Variants in NELL2 observed in about 807,000 individuals in gnomAD.
NELL2 encodes the protein neural EGFL like 2, also known as protein kinase C-binding protein NELL2.
In NELL2, 41 loss-of-function variants were observed where a neutral mutation model predicts 109.6. That is an observed-to-expected ratio of 0.37 (90% CI 0.29 to 0.49). NELL2 has a LOEUF of 0.49. Ranked by LOEUF, NELL2 falls within the 20% of genes least tolerant of loss-of-function variation. The pLI, the probability that NELL2 is intolerant of heterozygous loss-of-function variation, is 0.98. For missense variants in NELL2, 900 were observed against 1,008.3 expected (o/e 0.89, Z 1.45); for synonymous variants, 355 against 344.7 (o/e 1.03, Z -0.33).
At chr12:44,605,859 C>T (rs941394212) in intron 15 of NELL2, among the ~76,000 whole-genome samples, 2 of 152,068 alleles carry the variant, frequency 1.3e-5, no homozygotes, top group African/African-American at 2.4e-5. Context: ...TGTGTAGGGG[C>T]AAACTGGTGG....
intron 12 of NELL2, among the ~76,000 whole-genome samples, chr12:44,701,851 C>T (rs1949239266): frequency 6.6e-6 from 1 of 152,076 alleles, no homozygotes; most frequent in Non-Finnish European, 1.5e-5. Context: ...CTTTTCAATA[C>T]AGGGCTGAGC....
At chr12:44,740,254 G>T (rs758968074) in intron 9 of NELL2, among the ~76,000 whole-genome samples, 1 of 152,092 alleles carries the variant, frequency 6.6e-6, no homozygotes, top group Non-Finnish European at 1.5e-5. Context: ...GTACAGATAC[G>T]TACAGTATAT....
chr12:44,914,717 A>T (rs1052599503), upstream of NELL2, among the ~76,000 whole-genome samples: 1 of 152,218 alleles, frequency 6.6e-6, no homozygotes, highest in Non-Finnish European at 1.5e-5. Flanking sequence ...ATGTTAAATA[A>T]AAGTGGAGGT....
intron 10 of NELL2, among the ~76,000 whole-genome samples, chr12:44,712,800 C>A (rs932480854): frequency 2.0e-5 from 3 of 151,678 alleles, no homozygotes; most frequent in Non-Finnish European, 2.9e-5. Flanking sequence ...AAAGAATGTA[C>A]AATATTTTAT....
chr12:44,611,966 T>C (rs1190010158), intron 13 of NELL2, among the ~76,000 whole-genome samples: 1 of 152,088 alleles, frequency 6.6e-6, no homozygotes, highest in African/African-American at 2.4e-5. Flanking sequence ...ACTCAGTCTC[T>C]TACATGAATA....
intron 13 of NELL2, among the ~76,000 whole-genome samples, chr12:44,663,325 A>T (rs1947814516): frequency 6.6e-6 from 1 of 152,226 alleles, no homozygotes; most frequent in South Asian, 2.1e-4. Context: ...CTCTAAAAAA[A>T]ATCCAAGTTT....
chr12:44,683,262 T>A (rs955062413), intron 12 of NELL2, among the ~76,000 whole-genome samples: 1 of 152,110 alleles, frequency 6.6e-6, no homozygotes, highest in Non-Finnish European at 1.5e-5. Context: ...TTTTTGCACA[T>A]TGATTTTGTA....
intron 2 of NELL2, among the ~76,000 whole-genome samples, chr12:44,859,870 G>A (rs1944787782): frequency 6.6e-6 from 1 of 152,164 alleles, no homozygotes; most frequent in Non-Finnish European, 1.5e-5. Flanking sequence ...GTGTTCCTCT[G>A]ATATCCCTTG....
chr12:44,659,169 C>A (rs1472023217), intron 13 of NELL2, among the ~76,000 whole-genome samples: 1 of 152,056 alleles, frequency 6.6e-6, no homozygotes, highest in Non-Finnish European at 1.5e-5. Context: ...TGAAACTGGA[C>A]CCCTTCCTTA....
chr12:44,663,530 A>T (rs1380244591), intron 13 of NELL2, among the ~76,000 whole-genome samples: 1 of 152,214 alleles, frequency 6.6e-6, no homozygotes, highest in South Asian at 2.1e-4. Flanking sequence ...TAGTCTGAAT[A>T]GCGTTTCTTA....
At chr12:44,602,614 T>C (rs1945260659) in intron 15 of NELL2, among the ~76,000 whole-genome samples, 1 of 152,160 alleles carries the variant, frequency 6.6e-6, no homozygotes, top group East Asian at 1.9e-4. Context: ...ATTTCTCCTC[T>C]TTTCTCACAT....
chr12:44,558,648 T>C (rs1239135437), intron 15 of NELL2, among the ~76,000 whole-genome samples: 1 of 152,148 alleles, frequency 6.6e-6, no homozygotes, highest in Non-Finnish European at 1.5e-5. Context: ...CTAGCCCAGA[T>C]ACTATGCTTT....
At chr12:44,637,669 T>G in intron 13 of NELL2, among the ~76,000 whole-genome samples, 1 of 150,160 alleles carries the variant, frequency 6.7e-6, no homozygotes, top group East Asian at 2.0e-4. Flanking sequence ...AAGCCTCACG[T>G]CTCTGAGAAA....
intron 15 of NELL2, among the ~76,000 whole-genome samples, chr12:44,591,920 T>A (rs926239222): frequency 1.3e-5 from 2 of 152,124 alleles, no homozygotes; most frequent in Non-Finnish European, 2.9e-5. Flanking sequence ...TTTTAAAAAT[T>A]AAAGATTAAT....
intron 15 of NELL2, among the ~76,000 whole-genome samples, chr12:44,556,221 T>C (rs970509350): frequency 2.6e-5 from 4 of 152,094 alleles, no homozygotes; most frequent in Non-Finnish European, 5.9e-5. Context: ...ATTATTAGAG[T>C]CTAATAAGTT....
At chr12:44,679,854 C>CGGAA (rs1948439103) in intron 12 of NELL2, among the ~76,000 whole-genome samples, 1 of 152,124 alleles carries the variant, frequency 6.6e-6, no homozygotes, top group Admixed American at 6.5e-5. Flanking sequence ...TACATAGTAT[C>CGGAA]TTCCCTAACC....
intron 19 of NELL2, among the ~76,000 whole-genome samples, chr12:44,516,567 G>A (rs1360021486): frequency 1.3e-5 from 2 of 152,124 alleles, no homozygotes; most frequent in South Asian, 2.1e-4. Context: ...ATTATTTAAA[G>A]GCTCAATGAT....
At chr12:44,779,177 G>T (rs546038655) in intron 5 of NELL2, among the ~76,000 whole-genome samples, 1 of 152,278 alleles carries the variant, frequency 6.6e-6, no homozygotes, top group African/African-American at 2.4e-5. Context: ...ACATATTAAA[G>T]GAAAAGATAT....
At chr12:44,634,386 T>C (rs756656668) in intron 13 of NELL2, among the ~76,000 whole-genome samples, 2 of 150,232 alleles carry the variant, frequency 1.3e-5, no homozygotes, top group Admixed American at 1.3e-4. Context: ...TGTGTGCTCA[T>C]TGTTCAACAC....
Sources: allele counts gnomAD v4.1 joint callset (sites outside exome capture counted in the v4.1 genomes callset), GRCh38; gene constraint gnomAD v4.1.1; transcripts MANE v1.5; gene names NCBI Gene and HGNC (gene_info 2026-07-23, HGNC 2026-07-21).